SGCD: variants seen among roughly 807,000 people sequenced by gnomAD.
SGCD encodes the protein delta-sarcoglycan.
In SGCD, 18 loss-of-function variants were observed where a neutral mutation model predicts 36.6. The observed-to-expected ratio is 0.49, with a 90% CI of 0.34 to 0.73. SGCD has a LOEUF of 0.73. SGCD is among the 30% of genes least tolerant of loss of function. The probability of loss-of-function intolerance (pLI) is 0.01; values close to 1 mark genes in which losing one functional copy is unlikely to be tolerated. For missense variants in SGCD, 387 were observed against 346.7 expected (o/e 1.12, Z -0.92); for synonymous variants, 133 against 130.6 (o/e 1.02, Z -0.12).
chr5:155,950,602 G>A (rs1413330435), intron 1 of SGCD, among the ~76,000 whole-genome samples: 1 of 152,142 alleles, frequency 6.6e-6, no homozygotes, highest in Non-Finnish European at 1.5e-5. Context: ...TTAAGAAGGA[G>A]GCATGTGAGA....
chr5:156,383,366 T>C (rs947487503), intron 3 of SGCD, among the ~76,000 whole-genome samples: 3 of 151,984 alleles, frequency 2.0e-5, no homozygotes, highest in Admixed American at 1.3e-4. Flanking sequence ...TACCCGGGCG[T>C]GCAGCATGTG....
intron 1 of SGCD, among the ~76,000 whole-genome samples, chr5:155,993,000 C>G (rs941247633): frequency 6.6e-6 from 1 of 152,138 alleles, no homozygotes; most frequent in Non-Finnish European, 1.5e-5. Context: ...CCACTATTCT[C>G]CTGCCCTAAT....
At chr5:155,859,311 C>G in the SGCD span, among the ~76,000 whole-genome samples, 1 of 152,056 alleles carries the variant, frequency 6.6e-6, no homozygotes, top group African/African-American at 2.4e-5. Context: ...AAGTGATTCT[C>G]CCACCTTGGC....
chr5:156,295,633 T>C (rs978520828), intron 3 of SGCD, among the ~76,000 whole-genome samples: 7 of 152,198 alleles, frequency 4.6e-5, no homozygotes, highest in African/African-American at 1.7e-4. Flanking sequence ...CCAGGGGATT[T>C]GCTAGTGGAT....
chr5:156,152,744 C>T (rs1762861491), intron 3 of SGCD, among the ~76,000 whole-genome samples: 1 of 151,584 alleles, frequency 6.6e-6, no homozygotes, highest in Non-Finnish European at 1.5e-5. Flanking sequence ...AAAAATGTGG[C>T]TCACATTATA....
At chr5:156,019,886 C>T (rs1759062173) in intron 1 of SGCD, among the ~76,000 whole-genome samples, 2 of 152,132 alleles carry the variant, frequency 1.3e-5, no homozygotes, top group African/African-American at 4.8e-5. Flanking sequence ...CATTTAAAGC[C>T]CTGTGCTGTG....
intron 3 of SGCD, among the ~76,000 whole-genome samples, chr5:156,408,161 T>G (rs1772522896): frequency 6.6e-6 from 1 of 152,230 alleles, no homozygotes; most frequent in South Asian, 2.1e-4. Context: ...TCTTAGCTCT[T>G]TTGTCTTTTC....
At chr5:155,791,422 C>T in the SGCD span, among the ~76,000 whole-genome samples, 1 of 152,040 alleles carries the variant, frequency 6.6e-6, no homozygotes, top group Non-Finnish European at 1.5e-5. Flanking sequence ...AGCAGTCAGG[C>T]AAGAGAAAGA....
intron 1 of SGCD, among the ~76,000 whole-genome samples, chr5:156,110,335 C>T: frequency 6.6e-6 from 1 of 152,140 alleles, no homozygotes; most frequent in South Asian, 2.1e-4. Context: ...TTTTGTTTTG[C>T]TGACCTCTAT....
At chr5:156,203,224 A>G (rs1764194400) in intron 3 of SGCD, among the ~76,000 whole-genome samples, 1 of 152,078 alleles carries the variant, frequency 6.6e-6, no homozygotes, top group Non-Finnish European at 1.5e-5. Context: ...CAATTATGTT[A>G]TATCTGTATC....
chr5:156,720,198 T>C (rs1233581518), intron 7 of SGCD, among the ~76,000 whole-genome samples: 1 of 152,156 alleles, frequency 6.6e-6, no homozygotes, highest in African/African-American at 2.4e-5. Flanking sequence ...AACAAATGGA[T>C]ATTGAGCACC....
intron 3 of SGCD, among the ~76,000 whole-genome samples, chr5:156,320,691 A>G (rs528165967): frequency 6.6e-6 from 1 of 152,346 alleles, no homozygotes; most frequent in South Asian, 2.1e-4. Flanking sequence ...CTCATTGTGT[A>G]CCATGTATAT....
intron 3 of SGCD, among the ~76,000 whole-genome samples, chr5:156,471,558 G>T (rs1259037977): frequency 6.6e-6 from 1 of 152,036 alleles, no homozygotes; most frequent in Non-Finnish European, 1.5e-5. Flanking sequence ...TCGATTTGAG[G>T]AAATAAGGCA....
intron 3 of SGCD, among the ~76,000 whole-genome samples, chr5:156,283,702 A>G (rs919215282): frequency 2.2e-4 from 33 of 152,294 alleles, no homozygotes; most frequent in African/African-American, 7.7e-4. Flanking sequence ...AAGACTTGCT[A>G]AAACAAATTT....
At chr5:155,959,888 T>C (rs1757755997) in intron 1 of SGCD, among the ~76,000 whole-genome samples, 1 of 152,106 alleles carries the variant, frequency 6.6e-6, no homozygotes, top group South Asian at 2.1e-4. Flanking sequence ...CCTGATTTTT[T>C]CAAGGTTACA....
In SGCD at chr5:156,283,463, T is replaced by G. The variant is rs537481189; in HGVS notation, c.-43-46071T>G. Among the ~76,000 whole-genome samples the G allele has an allele frequency of 2.0e-5, 3 of 152,298 alleles. No homozygotes were observed. In the South Asian group the frequency reaches 6.2e-4, roughly 32 times the overall value. On this transcript the variant is annotated intron_variant, in intron 3 of 9. Transcript: ENST00000517913. The stretch of plus-strand genomic sequence containing the variant: ...CCATCCATTCTTTATAGTATTTTTT[T>G]CCAAAAATTTACCATGGGGCAGAAA...
At chr5:156,330,501 G>A (rs1164414937) in intron 2 of SGCD, among the ~76,000 whole-genome samples, 1 of 152,094 alleles carries the variant, frequency 6.6e-6, no homozygotes, top group Non-Finnish European at 1.5e-5. Context: ...TAATCCTGAG[G>A]CTCTTCCTTT....
intron 3 of SGCD, among the ~76,000 whole-genome samples, chr5:156,353,352 A>T (rs1769345958): frequency 6.6e-6 from 1 of 152,234 alleles, no homozygotes; most frequent in South Asian, 2.1e-4. Flanking sequence ...GGTAGATCAT[A>T]AATGAGATGA....
the SGCD span, among the ~76,000 whole-genome samples, chr5:155,740,446 T>C: frequency 6.6e-6 from 1 of 152,200 alleles, no homozygotes; most frequent in South Asian, 2.1e-4. Flanking sequence ...ATTATTAGTC[T>C]GGGTGGTTCT....
Sources: allele counts gnomAD v4.1 joint callset (sites outside exome capture counted in the v4.1 genomes callset), GRCh38; gene constraint gnomAD v4.1.1; transcripts MANE v1.5; gene names NCBI Gene and HGNC (gene_info 2026-07-23, HGNC 2026-07-21).